Variants in DAB1 observed in about 807,000 individuals in gnomAD.
DAB1 encodes disabled homolog 1.
In DAB1, 15 loss-of-function variants were observed where a neutral mutation model predicts 64.6. The ratio of observed to expected loss-of-function variants is 0.23; its 90% CI spans 0.16 to 0.36. The LOEUF is 0.36. Among genes scored for constraint, DAB1 ranks in the 10% least tolerant of loss-of-function variants. The pLI, the probability that DAB1 is intolerant of heterozygous loss-of-function variation, is 1.00. For missense variants in DAB1, 596 were observed against 706.7 expected, an observed-to-expected ratio of 0.84 and a Z score of 1.78; for synonymous variants, 235 against 251.9, an observed-to-expected ratio of 0.93 and a Z score of 0.64.
intron 4 of DAB1, among the ~76,000 whole-genome samples, chr1:58,270,461 C>T (rs1276932991): frequency 2.0e-5 from 1 of 48,786 alleles, no homozygotes; most frequent in East Asian, 7.7e-4. Flanking sequence ...TAGTGTGATG[C>T]CTCCAGCTTT....
chr1:57,295,653 A>G (rs1326578297), intron 1 of DAB1, among the ~76,000 whole-genome samples: 1 of 152,158 alleles, frequency 6.6e-6, no homozygotes, highest in Non-Finnish European at 1.5e-5. Context: ...TTATCTTTAC[A>G]AAAAGATACA....
At position 57,716,241 on chromosome 1, in the gene DAB1, A is replaced by C. The variant is rs186744052; in HGVS notation, n.552-66576T>G. On this transcript the variant is annotated intron_variant and non_coding_transcript_variant, in intron 6 of 20. Transcript: ENST00000485760. Reference sequence around the variant, plus strand: ...TCTTCACAGAAATAGAAATAAAAAGAACCTTAAAATTCATGCGAAAATGCA... The same window carrying C: ...TCTTCACAGAAATAGAAATAAAAAGCACCTTAAAATTCATGCGAAAATGCA... Among the ~76,000 whole-genome samples, 61 of 152,320 alleles carry C rather than the reference A, an allele frequency of 4.0e-4. No homozygotes were observed. In the South Asian group the frequency reaches 4.4e-3, roughly 11 times the overall value.
intron 9 of DAB1, among the ~76,000 whole-genome samples, chr1:57,053,828 C>G (rs1481430618): frequency 6.6e-6 from 1 of 151,174 alleles, no homozygotes; most frequent in African/African-American, 2.4e-5. Context: ...GCTGGGACTA[C>G]AGAAGTGTGC....
chr1:57,002,488 G>A (rs1645905613), intron 14 of DAB1, among the ~76,000 whole-genome samples: 1 of 152,238 alleles, frequency 6.6e-6, no homozygotes, highest in Non-Finnish European at 1.5e-5. Flanking sequence ...CTGTCATAAT[G>A]TGGGGGTAAT....
intron 14 of DAB1, among the ~76,000 whole-genome samples, chr1:57,003,506 A>G (rs1330141937): frequency 6.6e-6 from 1 of 151,398 alleles, no homozygotes; most frequent in Non-Finnish European, 1.5e-5. Flanking sequence ...TTTTTTTTTA[A>G]TCTTTTTTAG....
intron 5 of DAB1, among the ~76,000 whole-genome samples, chr1:57,969,255 CT>C (rs1645739187): frequency 1.3e-5 from 2 of 152,186 alleles, no homozygotes; most frequent in Admixed American, 1.3e-4. Context: ...AAAAAAAAGT[CT>C]TACCAATATA....
rs570580850 is a variant in DAB1 at position 57,961,743 on chromosome 1, C to A, written n.388-77581G>T. 2.6e-5 allele frequency among the ~76,000 whole-genome samples: 4 copies of A among 151,916 alleles called. No individual in the cohort carries two copies. The South Asian group carries it at 6.2e-4, about 24-fold the overall frequency. ...CAGCACTGTGGGAGGCTGAGGCAGG[C>A]GGATCACCTGAGGTCAGGAGTTCAA... On this transcript the variant is annotated intron_variant and non_coding_transcript_variant, in intron 5 of 20. Coordinates refer to the DAB1 transcript ENST00000485760.
downstream of DAB1, among the ~76,000 whole-genome samples, chr1:57,824,949 T>C (rs1407962974): frequency 1.3e-5 from 2 of 151,838 alleles, no homozygotes; most frequent in African/African-American, 4.8e-5. Flanking sequence ...CTTGGGGGAG[T>C]GCTTCCCATG....
At chr1:57,845,311 G>C (rs1316771015) in intron 1 of DAB1, among the ~76,000 whole-genome samples, 1 of 152,160 alleles carries the variant, frequency 6.6e-6, no homozygotes, top group African/African-American at 2.4e-5. Flanking sequence ...GGCTGGTTTG[G>C]GGGTTGGCAG....
At chr1:57,777,141 C>CTTTTTTTTTTTTTTTTTTTTTTTTT in intron 6 of DAB1, among the ~76,000 whole-genome samples, 1 of 90,406 alleles carries the variant, frequency 1.1e-5, no homozygotes, top group Non-Finnish European at 2.1e-5. Context: ...TTCTGAATTT[C>CTTTTTTTTTTTTTTTTTTTTTTTTT]TTTTTTTTTT....
intron 8 of DAB1, among the ~76,000 whole-genome samples, chr1:57,065,006 C>T (rs927861777): frequency 1.3e-5 from 2 of 152,118 alleles, no homozygotes; most frequent in African/African-American, 4.8e-5. Context: ...TTCTGTTGCC[C>T]GTAATTCACT....
At chr1:57,247,931 C>T (rs1282414645) in intron 2 of DAB1, among the ~76,000 whole-genome samples, 1 of 152,178 alleles carries the variant, frequency 6.6e-6, no homozygotes, top group African/African-American at 2.4e-5. Flanking sequence ...AAGAGACACC[C>T]TCCAACTGGT....
At chr1:57,135,454 CCATAGAATTTCACTGTATGTATATACAA>C (rs1160922782) in intron 4 of DAB1, among the ~76,000 whole-genome samples, 1 of 152,122 alleles carries the variant, frequency 6.6e-6, no homozygotes, top group Non-Finnish European at 1.5e-5. Flanking sequence ...TTTGAGAGCT[CCATAGAATTTCACTGTATGTATATACAA>C]CATTTTGTTT....
chr1:57,444,040 C>T (rs1451457761), intron 7 of DAB1, among the ~76,000 whole-genome samples: 1 of 152,108 alleles, frequency 6.6e-6, no homozygotes, highest in Non-Finnish European at 1.5e-5. Context: ...ACTCCATGTG[C>T]CCCCTGTTCC....
chr1:57,525,647 A>C (rs1644581997), intron 7 of DAB1, among the ~76,000 whole-genome samples: 1 of 152,178 alleles, frequency 6.6e-6, no homozygotes, highest in Non-Finnish European at 1.5e-5. Flanking sequence ...AGAAATTTAC[A>C]TCTGCAGTCA....
intron 4 of DAB1, among the ~76,000 whole-genome samples, chr1:58,214,614 G>A (rs1036128492): frequency 6.6e-6 from 1 of 152,214 alleles, no homozygotes; most frequent in African/African-American, 2.4e-5. Context: ...CTCAGTAACA[G>A]CTATTAGGGT....
chr1:57,109,542 A>G (rs1273767698), intron 4 of DAB1, among the ~76,000 whole-genome samples: 1 of 151,836 alleles, frequency 6.6e-6, no homozygotes, highest in Non-Finnish European at 1.5e-5. Context: ...CAATGTGGGA[A>G]TTCAAAGTAT....
At chr1:57,354,068 C>T (rs1050018479) in intron 1 of DAB1, among the ~76,000 whole-genome samples, 10 of 152,096 alleles carry the variant, frequency 6.6e-5, no homozygotes, top group Non-Finnish European at 1.3e-4. Context: ...CCACATGATG[C>T]CTCCAAGTAC....
chr1:57,442,601 A>G (rs1281699747), intron 7 of DAB1, among the ~76,000 whole-genome samples: 2 of 152,056 alleles, frequency 1.3e-5, no homozygotes, highest in African/African-American at 2.4e-5. Context: ...CTTGGTTGGC[A>G]TATTATAGAA....
Sources: gnomAD v4.1 joint callset for allele counts (sites outside exome capture counted in the v4.1 genomes callset) on GRCh38, gnomAD v4.1.1 for gene constraint, MANE v1.5 for transcripts, NCBI Gene and HGNC (gene_info 2026-07-23, HGNC 2026-07-21) for gene names.